Variants in SLC7A6 observed in about 807,000 individuals in gnomAD.
SLC7A6 encodes solute carrier family 7 member 6, also known as Y+L amino acid transporter 2.
SLC7A6 carries 29 observed loss-of-function variants against 46.6 expected under a neutral mutation model. That is an observed-to-expected ratio of 0.62 (90% CI 0.46 to 0.85). The LOEUF is 0.85. Among genes scored for constraint, SLC7A6 ranks in the 40% least tolerant of loss-of-function variants. The probability of loss-of-function intolerance (pLI) is 0.00; values close to 1 mark genes in which losing one functional copy is unlikely to be tolerated. For missense variants in SLC7A6, 527 were observed against 647.6 expected (o/e 0.81, Z 2.02); for synonymous variants, 276 against 257.3 (o/e 1.07, Z -0.70).
rs753828841 is a variant in SLC7A6, at chr16:68,290,517, A to G, written c.771A>G (p.Thr257=). The change falls in exon 5 of 11, where the codon ACA becomes ACG. Residue 257 remains threonine, a synonymous_variant. Coordinates refer to ENST00000219343, the MANE Select transcript of SLC7A6 (RefSeq NM_003983.6). Reference sequence around the variant, plus strand: ...GTTGGGACACCCTTAATTTTGTAACAGAAGAAATCAAAAACCCAGAAAGGT... The same window carrying G: ...GTTGGGACACCCTTAATTTTGTAACGGAAGAAATCAAAAACCCAGAAAGGT... ...YSGWDTLNFV[T]EEIKNPERNL... The G allele has an allele frequency of 9.9e-6, 16 of 1,614,076 alleles. No homozygotes were observed. In the Admixed American group the frequency reaches 2.7e-4, roughly 27 times the overall value.
rs761965256 is a variant in SLC7A6 at position 68,296,842 on chromosome 16, C to T, written c.1453+32C>T. On this transcript the variant is annotated intron_variant, in intron 10 of 10. Transcript: ENST00000219343. Reference sequence around the variant, plus strand: ...TTCTCTGTGCCCCATTACTCACTGGCGGCTATGTGTGCATGCGCATGCAGA... The same window carrying T: ...TTCTCTGTGCCCCATTACTCACTGGTGGCTATGTGTGCATGCGCATGCAGA... 1.1e-5 allele frequency: 18 copies of T among 1,610,072 alleles called. No individual in the cohort carries two copies. The East Asian group carries it at 2.7e-4, about 24-fold the overall frequency.
chr16:68,277,243 C>T (rs1267233651), intron 3 of SLC7A6, among the ~76,000 whole-genome samples: 3 of 151,232 alleles, frequency 2.0e-5, no homozygotes, highest in African/African-American at 2.4e-5. Flanking sequence ...CCCACCACCA[C>T]GCCCAGCTAA....
At chr16:68,291,514 G>A (rs755675638) in intron 6 of SLC7A6, 44 bp from the exon 7 acceptor site, 2 of 1,602,316 alleles carry the variant, frequency 1.2e-6, no homozygotes, top group Non-Finnish European at 1.7e-6. Flanking sequence ...GGAGGATTAT[G>A]AAACCCTGTG....
At chr16:68,269,934 CT>C (rs1418781271) in intron 2 of SLC7A6, among the ~76,000 whole-genome samples, 2 of 151,956 alleles carry the variant, frequency 1.3e-5, no homozygotes, top group African/African-American at 4.8e-5. Flanking sequence ...TGCCTGGCTA[CT>C]TTTTAATTTT....
At chr16:68,288,962 C>A in intron 4 of SLC7A6, among the ~76,000 whole-genome samples, 1 of 124,402 alleles carries the variant, frequency 8.0e-6, no homozygotes, top group Non-Finnish European at 1.6e-5. Flanking sequence ...AGCAAGATTC[C>A]ATCTCAAAAA....
At chr16:68,276,338 C>A (rs555134096) in intron 3 of SLC7A6, among the ~76,000 whole-genome samples, 2 of 152,296 alleles carry the variant, frequency 1.3e-5, no homozygotes, top group Admixed American at 1.3e-4. Context: ...ATGAGAAAGA[C>A]CCAGAATTCT....
At position 68,291,351 on chromosome 16, in the gene SLC7A6, C is replaced by T. The variant is rs1567593411; in HGVS notation, c.918+19C>T. The T allele has an allele frequency of 5.0e-6, 8 of 1,613,160 alleles. No individual in the cohort carries two copies. The highest frequency in any genetic ancestry group is 6.8e-6 in the Non-Finnish European group (8 of 1,179,462). On this transcript the variant is annotated intron_variant, in intron 6 of 10. Coordinates refer to ENST00000219343, the MANE Select transcript of SLC7A6 (RefSeq NM_003983.6). Reference sequence around the variant, plus strand: ...GGCTGTGGTGAGTCTCTTGGGATCCCCATTTGTTCATCATCTCCTGATACT... The same window carrying T: ...GGCTGTGGTGAGTCTCTTGGGATCCTCATTTGTTCATCATCTCCTGATACT...
intron 3 of SLC7A6, among the ~76,000 whole-genome samples, chr16:68,280,399 G>A (rs1305048680): frequency 6.6e-6 from 1 of 152,144 alleles, no homozygotes; most frequent in Non-Finnish European, 1.5e-5. Context: ...CTGGTGGCCC[G>A]TGAGCCAGAC....
At position 68,294,793 on chromosome 16, in the gene SLC7A6, C is replaced by A; in HGVS notation, c.1111C>A (p.Leu371Met). 1 of 1,612,428 alleles carries A rather than the reference C, an allele frequency of 6.2e-7. No individual in the cohort carries two copies. Residue 371 changes from leucine (L) to methionine (M), a missense_variant, in exon 8 of 11, where the codon CTG becomes ATG. Physicochemically the swap from Leu to Met is conservative, Grantham distance 15. Coordinates refer to ENST00000219343, the MANE Select transcript of SLC7A6 (RefSeq NM_003983.6). ...GCGTTTTACACCTATCCCTGCTTTA[C>A]TGTTCAATGTAAGCTTTGCTGGGAC... ...IERFTPIPAL[L>M]FNCTMALIYL...
chr16:68,289,201 G>A (rs576272045), intron 4 of SLC7A6, among the ~76,000 whole-genome samples: 1 of 152,208 alleles, frequency 6.6e-6, no homozygotes, highest in Non-Finnish European at 1.5e-5. Flanking sequence ...GCTGAGGCAG[G>A]AGAATCGCCT....
In SLC7A6 at chr16:68,301,216, A is replaced by C. The variant is rs2043266451; in HGVS notation, c.*3888A>C. ...TAACAGGATGTCAGCAGGGCAGTTA[A>C]CTCTGGACTCAGAGCCCTCAAGGGC... On this transcript the variant is annotated 3_prime_UTR_variant, in exon 11 of 11. Coordinates refer to ENST00000219343, the MANE Select transcript of SLC7A6 (RefSeq NM_003983.6). 1 of 1,583,356 alleles carries C rather than the reference A, an allele frequency of 6.3e-7. No individual in the cohort carries two copies. Among genetic ancestry groups the C allele is most frequent in the Non-Finnish European group, 8.6e-7 (1 of 1,161,306 alleles).
chr16:68,283,595 C>A (rs55974400), intron 3 of SLC7A6, among the ~76,000 whole-genome samples: 88,924 of 151,808 alleles, frequency 0.59, 26,300 homozygotes, highest in East Asian at 0.81. Context: ...AAGGGAAGAA[C>A]AGATAGAGGA....
At chr16:68,286,741 A>G (rs1237556396) in intron 3 of SLC7A6, among the ~76,000 whole-genome samples, 7 of 152,198 alleles carry the variant, frequency 4.6e-5, no homozygotes, top group African/African-American at 1.7e-4. Flanking sequence ...AAGCCACGTG[A>G]GCCTAGGGAG....
At chr16:68,270,222 G>GT (rs1488442039) in intron 2 of SLC7A6, among the ~76,000 whole-genome samples, 1 of 152,012 alleles carries the variant, frequency 6.6e-6, no homozygotes, top group African/African-American at 2.4e-5. Context: ...AGCAGGCCCT[G>GT]TTTGTTTCCC....
chr16:68,270,565 G>A (rs1054705142), intron 2 of SLC7A6, among the ~76,000 whole-genome samples: 2 of 152,114 alleles, frequency 1.3e-5, no homozygotes. Flanking sequence ...GAGTGTCTGT[G>A]GCTCTTACTA....
intron 3 of SLC7A6, among the ~76,000 whole-genome samples, chr16:68,280,813 C>A (rs1160261431): frequency 6.6e-6 from 1 of 151,970 alleles, no homozygotes; most frequent in Non-Finnish European, 1.5e-5. Context: ...CGGCTCACTG[C>A]AAGCTCCGCC....
At chr16:68,268,145 A>C (rs1265366411) in intron 2 of SLC7A6, among the ~76,000 whole-genome samples, 2 of 152,316 alleles carry the variant, frequency 1.3e-5, no homozygotes, top group East Asian at 3.9e-4. Context: ...AATTGAACTG[A>C]AAGAGGAGTC....
chr16:68,267,232 GAGA>G (rs1427832707), intron 2 of SLC7A6, among the ~76,000 whole-genome samples: 7 of 46,378 alleles, frequency 1.5e-4, no homozygotes, highest in African/African-American at 3.6e-4. Context: ...TTTTTTTTTT[GAGA>G]AGGAGTTTCG....
At chr16:68,296,843 G>T in intron 10 of SLC7A6, 33 bp downstream of exon 10, 1 of 1,610,328 alleles carries the variant, frequency 6.2e-7, no homozygotes, top group South Asian at 1.1e-5. Context: ...ACTCACTGGC[G>T]GCTATGTGTG....
Sources: gnomAD v4.1 joint callset for allele counts (sites outside exome capture counted in the v4.1 genomes callset) on GRCh38, gnomAD v4.1.1 for gene constraint, MANE v1.5 for transcripts, NCBI Gene and HGNC (gene_info 2026-07-23, HGNC 2026-07-21) for gene names.